CHD3: variants seen among roughly 807,000 people sequenced by gnomAD.
CHD3 encodes the protein chromodomain helicase DNA binding protein 3.
CHD3 carries 52 observed loss-of-function variants against 248.9 expected under a neutral mutation model. The observed-to-expected ratio is 0.21, with a 90% confidence interval of 0.17 to 0.26. The LOEUF is 0.26. CHD3 is among the 10% of genes least tolerant of loss of function. CHD3 has a pLI of 1.00. For synonymous variants in CHD3, 985 were observed against 985.2 expected (o/e 1.00, Z 0.00); for missense variants, 1,482 against 2,605.8 (o/e 0.57, Z 9.39).
chr17:7,894,704 G>C, intron 8 of CHD3, 96 bp downstream of exon 8: 1 of 1,390,018 alleles, frequency 7.2e-7, no homozygotes, highest in Non-Finnish European at 9.9e-7. Context: ...CCAGATGGCT[G>C]GACTTCTTAG....
At chr17:7,898,190 G>A in intron 12 of CHD3, 88 bp downstream of exon 12, 3 of 1,509,520 alleles carry the variant, frequency 2.0e-6, no homozygotes, top group Non-Finnish European at 2.7e-6. Flanking sequence ...GTACAGTAGG[G>A]CCTGATTCAA....
chr17:7,893,788 C>T lies in CHD3; in HGVS notation c.794-17C>T. ...GACCTCTCCTTTTTCCTCTTCTCACCCCGACTCCTCATTCAGGTCCAGGCC... is the reference window on the plus strand; with the variant it reads ...GACCTCTCCTTTTTCCTCTTCTCACTCCGACTCCTCATTCAGGTCCAGGCC... On this transcript the variant is annotated splice_polypyrimidine_tract_variant and intron_variant, in intron 5 of 39. Transcript: ENST00000330494. 1 of 1,612,534 alleles carries T rather than the reference C, an allele frequency of 6.2e-7. No homozygotes were observed.
At position 7,898,103 on chromosome 17, in the gene CHD3, G is replaced by A. The variant is rs113105270; in HGVS notation, c.2051+1G>A. 6.2e-7 allele frequency: 1 copy of A among 1,613,118 alleles called. No individual in the cohort carries two copies. Among genetic ancestry groups the A allele is most frequent in the Non-Finnish European group, 8.5e-7 (1 of 1,179,560 alleles). On this transcript the variant is annotated splice_donor_variant, in intron 12 of 39. Transcript: ENST00000330494. LOFTEE classifies it high-confidence loss of function. ...ATAAGCAAAGCTACTGGAGACACCG[G>A]TGAGGGAATGAGCTTGTGGATTCAA...
At position 7,911,844 on chromosome 17, in the gene CHD3, T is replaced by A; in HGVS notation, c.*259T>A. ...TGGGTGGGAGATGGCTGGCAGGGTC[T>A]TCCAAGTACCTTCCTCCCACACTGC... On this transcript the variant is annotated 3_prime_UTR_variant, in exon 40 of 40. Coordinates refer to ENST00000330494, the MANE Select transcript of CHD3 (RefSeq NM_001005273.3). The surrounding 1 kb of genome is among the most constrained non-coding windows in gnomAD (Gnocchi z 5.4). 9.7e-7 allele frequency: 1 copy of A among 1,031,158 alleles called. No homozygotes were observed. Among genetic ancestry groups the A allele is most frequent in the Non-Finnish European group, 1.3e-6 (1 of 744,948 alleles). 63.9% of individuals were successfully genotyped at this position (1,031,158 alleles called of 1,614,324 possible). A position where few individuals can be genotyped will look rare whatever the true frequency, so the allele number is the denominator to read the frequency against.
chr17:7,911,880 C>A lies in CHD3; in HGVS notation c.*295C>A. On this transcript the variant is annotated 3_prime_UTR_variant, in exon 40 of 40. Transcript: ENST00000330494. This position sits in a 1 kb window ranked among gnomAD's most constrained non-coding sequence, Gnocchi z 5.4. ...TTCCTCCCACACTGCCAAGTATACA[C>A]AACTTCCCAGTAAATGGTTGTGGGG... 1 of 619,292 alleles carries A rather than the reference C, an allele frequency of 1.6e-6. No individual in the cohort carries two copies. The highest frequency in any genetic ancestry group is 2.5e-6 in the Non-Finnish European group (1 of 396,862). 38.4% of individuals were successfully genotyped at this position (619,292 alleles called of 1,614,324 possible). A position where few individuals can be genotyped will look rare whatever the true frequency, so the allele number is the denominator to read the frequency against.
rs1425948358 is a variant in CHD3 at position 7,894,096 on chromosome 17, G to A, written c.925-19G>A. The A allele has an allele frequency of 9.3e-6, 15 of 1,605,220 alleles. No homozygotes were observed. Among genetic ancestry groups the A allele is most frequent in the Non-Finnish European group, 1.1e-5 (13 of 1,174,602 alleles). On this transcript the variant is annotated intron_variant, in intron 6 of 39. Coordinates refer to ENST00000330494, the MANE Select transcript of CHD3 (RefSeq NM_001005273.3). ...TAGAATGAAGTCTGCCTCACTGACG[G>A]CCACGGGGCTATGGGCAGTATGTTT...
intron 5 of CHD3, 94 bp from the exon 6 acceptor site, chr17:7,893,711 C>T (rs938884332): frequency 8.8e-5 from 136 of 1,539,566 alleles, no homozygotes; most frequent in Middle Eastern, 7.2e-4. Flanking sequence ...GAAACCACAG[C>T]CCACAGAGGA....
Position 7,905,649 on chromosome 17 carries a change from G to A in CHD3, c.4167G>A (p.Arg1389=), listed in dbSNP as rs1323638580. Residue 1389 remains arginine (R), a synonymous_variant, in exon 27 of 40, where the codon CGG becomes CGA. Coordinates refer to ENST00000330494, the MANE Select transcript of CHD3 (RefSeq NM_001005273.3). The surrounding 1 kb of genome is among the most constrained non-coding windows in gnomAD (Gnocchi z 5.8). The stretch of plus-strand genomic sequence containing the variant: ...GTAGACAGTCAAAGAGGCAGCTCCG[G>A]AATGAGAAAGATAAGCCACTGCCTC... The part of the protein sequence containing the change: ...EGRRQSKRQL[R]NEKDKPLPPL... 6.2e-7 allele frequency: 1 copy of A among 1,608,262 alleles called. No individual in the cohort carries two copies. Among genetic ancestry groups the A allele is most frequent in the Non-Finnish European group, 8.5e-7 (1 of 1,176,868 alleles).
At position 7,904,385 on chromosome 17, in the gene CHD3, T is replaced by C; in HGVS notation, c.3895-57T>C. ...CAGCAGAGTAGGGATTTCCTTGCAG[T>C]GGAAGGATTAGCAAAGAAGGAGACC... On this transcript the variant is annotated intron_variant, in intron 24 of 39. Transcript: ENST00000330494. This position sits in a 1 kb window ranked among gnomAD's most constrained non-coding sequence, Gnocchi z 4.4. The C allele has an allele frequency of 6.6e-7, 1 of 1,521,476 alleles. No homozygotes were observed. The highest frequency in any genetic ancestry group is 9.0e-7 in the Non-Finnish European group (1 of 1,107,850). The allele number at this position is 1,521,476 out of a possible 1,614,324, so 94.2% of individuals were successfully genotyped here.
rs759542084 is a variant in CHD3 at position 7,907,886 on chromosome 17, C to G, written c.5027-8C>G. 1.4e-5 allele frequency: 23 copies of G among 1,609,686 alleles called. No individual in the cohort carries two copies. Among genetic ancestry groups the G allele is most frequent in the Non-Finnish European group, 4.2e-6 (5 of 1,177,228 alleles). On this transcript the variant is annotated splice_region_variant and splice_polypyrimidine_tract_variant and intron_variant, in intron 33 of 39. Transcript: ENST00000330494. The surrounding 1 kb of genome is among the most constrained non-coding windows in gnomAD (Gnocchi z 4.3). ...GAGGTGTGAGCTTTGACCTGTCTGT[C>G]CTAGCAGAAGATGTAAAAGGTGACC...
Position 7,890,626 on chromosome 17 carries a change from G to A in CHD3, c.269G>A (p.Ser90Asn), listed in dbSNP as rs1968705525. Residue 90 changes from serine (S) to asparagine (N), a missense_variant, in exon 3 of 40, where the codon AGT becomes AAT. Around this residue, in one of 20 missense-constraint regions of CHD3, gnomAD observed 169 missense variants for 168.1 expected, o/e 1.01. Coordinates refer to ENST00000330494, the MANE Select transcript of CHD3 (RefSeq NM_001005273.3). ...ERDEYREKSESGGSEYGTGPG... is the reference protein window; with the variant it reads ...ERDEYREKSENGGSEYGTGPG... ...GATGAGTACCGGGAGAAGTCAGAGA[G>A]TGGGGGCAGTGAATATGGAACCGGA... 1.2e-6 allele frequency: 2 copies of A among 1,610,318 alleles called. No individual in the cohort carries two copies. Among genetic ancestry groups the A allele is most frequent in the African/African-American group, 2.7e-5 (2 of 74,356 alleles).
In CHD3 at chr17:7,909,359, G is replaced by A. The variant is rs1172520224; in HGVS notation, c.5590+21G>A. The A allele has an allele frequency of 7.2e-6, 11 of 1,525,074 alleles. No homozygotes were observed. The highest frequency in any genetic ancestry group is 2.1e-5 in the Admixed American group (1 of 48,292). The allele number at this position is 1,525,074 out of a possible 1,614,324, so 94.5% of individuals were successfully genotyped here. A position where few individuals can be genotyped will look rare whatever the true frequency, so the allele number is the denominator to read the frequency against. On this transcript the variant is annotated intron_variant, in intron 37 of 39. Coordinates refer to ENST00000330494, the MANE Select transcript of CHD3 (RefSeq NM_001005273.3). The surrounding 1 kb of genome is among the most constrained non-coding windows in gnomAD (Gnocchi z 8.1). ...CAAGGGTAAGGGCCGCGGCGGCCCC[G>A]CGCGGGGGAGGGCCCACAACGCTGC...
chr17:7,889,147 G>A lies in CHD3; in HGVS notation c.100+47G>A, dbSNP rs2279620. ...AATAGAGGCCTCCCTCTTGGCAAAAGGATGTCAGGGCCCCAGGGTGTTAGT... is the reference window on the plus strand; with the variant it reads ...AATAGAGGCCTCCCTCTTGGCAAAAAGATGTCAGGGCCCCAGGGTGTTAGT... On this transcript the variant is annotated intron_variant, in intron 1 of 39. Transcript: ENST00000330494. The surrounding 1 kb of genome is among the most constrained non-coding windows in gnomAD (Gnocchi z 4.5). 5.0e-6 allele frequency: 8 copies of A among 1,612,636 alleles called. No homozygotes were observed. In the African/African-American group the frequency reaches 1.1e-4, roughly 22 times the overall value.
At chr17:7,888,752 T>C (rs1037836013), upstream of CHD3, 12 of 1,307,704 alleles carry the variant, frequency 9.2e-6, no homozygotes, top group Non-Finnish European at 1.2e-5. Flanking sequence ...GCGCGTGCTT[T>C]TGAGAAGGCA....
chr17:7,909,471 A>G lies in CHD3; in HGVS notation c.5590+133A>G. On this transcript the variant is annotated intron_variant, in intron 37 of 39. Transcript: ENST00000330494. The surrounding 1 kb of genome is among the most constrained non-coding windows in gnomAD (Gnocchi z 8.1). ...CCATCCCCCTCTGACCTCTAACCCCACTCCTACCGACCTGGCACCCCCTTG... is the reference window on the plus strand; with the variant it reads ...CCATCCCCCTCTGACCTCTAACCCCGCTCCTACCGACCTGGCACCCCCTTG... 1 of 1,184,232 alleles carries G rather than the reference A, an allele frequency of 8.4e-7. No homozygotes were observed. The highest frequency in any genetic ancestry group is 2.4e-5 in the African/African-American group (1 of 41,158). 73.4% of individuals were successfully genotyped at this position (1,184,232 alleles called of 1,614,324 possible).
At position 7,903,019 on chromosome 17, in the gene CHD3, C is replaced by T; in HGVS notation, c.3453C>T (p.Val1151=). 1 of 1,614,128 alleles carries T rather than the reference C, an allele frequency of 6.2e-7. No homozygotes were observed. The highest frequency in any genetic ancestry group is 8.5e-7 in the Non-Finnish European group (1 of 1,180,020). Residue 1151 remains valine, a synonymous_variant, in exon 22 of 40, where the codon GTC becomes GTT. Transcript: ENST00000330494. The surrounding 1 kb of genome is among the most constrained non-coding windows in gnomAD (Gnocchi z 6.8). ...TCAATCTGGCCACTGCTGACACTGTCATCATCTTTGATTCTGACTGGAACC... is the reference window on the plus strand; with the variant it reads ...TCAATCTGGCCACTGCTGACACTGTTATCATCTTTGATTCTGACTGGAACC... ...LGINLATADT[V]IIFDSDWNPH...
Position 7,908,645 on chromosome 17 carries a change from C to T in CHD3, c.5262-52C>T. The T allele has an allele frequency of 6.2e-7, 1 of 1,610,192 alleles. No homozygotes were observed. The highest frequency in any genetic ancestry group is 1.1e-5 in the South Asian group (1 of 90,932). On this transcript the variant is annotated intron_variant, in intron 35 of 39. Transcript: ENST00000330494. The surrounding 1 kb of genome is among the most constrained non-coding windows in gnomAD (Gnocchi z 5.8). ...AGCCAAAAGGAAGAAGTGTTCAAAG[C>T]CAAGCCCATTCCTGTTAAATTCCTT...
chr17:7,891,197 A>C, intron 4 of CHD3, 133 bp downstream of exon 4: 1 of 1,078,306 alleles, frequency 9.3e-7, no homozygotes, highest in African/African-American at 1.6e-5. Flanking sequence ...CAAATTCTAC[A>C]CGTCATTTCA....
At position 7,889,148 on chromosome 17, in the gene CHD3, G is replaced by A. The variant is rs1968453573; in HGVS notation, c.100+48G>A. The A allele has an allele frequency of 6.2e-7, 1 of 1,612,162 alleles. No homozygotes were observed. Among genetic ancestry groups the A allele is most frequent in the Admixed American group, 1.7e-5 (1 of 59,890 alleles). ...ATAGAGGCCTCCCTCTTGGCAAAAG[G>A]ATGTCAGGGCCCCAGGGTGTTAGTG... On this transcript the variant is annotated intron_variant, in intron 1 of 39. Coordinates refer to ENST00000330494, the MANE Select transcript of CHD3 (RefSeq NM_001005273.3). The surrounding 1 kb of genome is among the most constrained non-coding windows in gnomAD (Gnocchi z 4.5).
Sources: allele counts gnomAD v4.1 joint callset, GRCh38; gene constraint gnomAD v4.1.1; regional missense constraint gnomAD v4.1.1; non-coding constraint Gnocchi (gnomAD v3.1); transcripts MANE v1.5; gene names NCBI Gene and HGNC (gene_info 2026-07-23, HGNC 2026-07-21).